Variants in PNKP observed in about 807,000 individuals in gnomAD.
The protein encoded by PNKP is polynucleotide kinase 3'-phosphatase.
In PNKP, 82 loss-of-function variants were observed where a neutral mutation model predicts 66.2. That is an observed-to-expected ratio of 1.24 (90% CI 1.04 to 1.49). The LOEUF is 1.49. Among genes scored for constraint, PNKP ranks in the 40% most tolerant of loss-of-function variants. The pLI, the probability that PNKP is intolerant of heterozygous loss-of-function variation, is 0.00. For missense variants in PNKP, 907 were observed against 706.8 expected, an observed-to-expected ratio of 1.28 and a Z score of -3.21; for synonymous variants, 412 against 298.9, an observed-to-expected ratio of 1.38 and a Z score of -3.90.
At chr19:49,864,578 G>C (rs887834666) in intron 4 of PNKP, among the ~76,000 whole-genome samples, 175 bp from the exon 5 acceptor site, 3 of 152,108 alleles carry the variant, frequency 2.0e-5, no homozygotes, top group African/African-American at 7.2e-5. Context: ...CTCTGAGTGG[G>C]GCCCGACATC....
chr19:49,867,380 G>T (rs2074829894), intron 1 of PNKP, 89 bp downstream of exon 1: 1 of 695,714 alleles, frequency 1.4e-6, no homozygotes, highest in Non-Finnish European at 2.4e-6. Flanking sequence ...GCGACGACGC[G>T]TGCTCCATCC....
intron 12 of PNKP, 33 bp downstream of exon 12, chr19:49,862,152 C>G: frequency 6.2e-7 from 1 of 1,613,710 alleles, no homozygotes; most frequent in Non-Finnish European, 8.5e-7. Flanking sequence ...CCAGGCGGGG[C>G]TCAGGGCACG....
At chr19:49,862,968 TCCCCACG>T (rs2074790013) in intron 8 of PNKP, 1 of 640,216 alleles carries the variant, frequency 1.6e-6, no homozygotes, top group South Asian at 1.7e-5. Context: ...CTCCTCCCGT[TCCCCACG>T]CGGCCACCGG....
chr19:49,861,895 A>C lies in PNKP; in HGVS notation c.1189-14T>G. On this transcript the variant is annotated splice_polypyrimidine_tract_variant and intron_variant, in intron 13 of 16. Transcript: ENST00000322344. ...GCCTAGCGTGTCCTGGGGACACGAG[A>C]GGTCACAAACAGATCGGCAGACCCA... 1 of 1,586,628 alleles carries C rather than the reference A, an allele frequency of 6.3e-7. No individual in the cohort carries two copies. Among genetic ancestry groups the C allele is most frequent in the Non-Finnish European group, 8.6e-7 (1 of 1,168,052 alleles).
intron 3 of PNKP, 145 bp downstream of exon 3, chr19:49,866,254 C>T (rs926623352): frequency 3.8e-6 from 3 of 793,478 alleles, no homozygotes; most frequent in Non-Finnish European, 6.8e-6. Flanking sequence ...CCCGCCTCGG[C>T]CTCCCAAAGT....
intron 11 of PNKP, 37 bp downstream of exon 11, chr19:49,862,334 T>TA: frequency 1.5e-6 from 2 of 1,343,602 alleles, no homozygotes; most frequent in Non-Finnish European, 1.0e-6. Context: ...CCGGGAGCCC[T>TA]CCCATCCCCA....
Position 49,867,071 on chromosome 19 carries a change from T to C in PNKP, c.134A>G (p.Lys45Arg). The C allele has an allele frequency of 6.2e-7, 1 of 1,613,914 alleles. No individual in the cohort carries two copies. The highest frequency in any genetic ancestry group is 8.5e-7 in the Non-Finnish European group (1 of 1,179,954). ...CCGCTCACCTTGAGTTCTGGAGCACTTCCGGTCCGTAACCTGGGTCAGGGG... is the reference window on the plus strand; with the variant it reads ...CCGCTCACCTTGAGTTCTGGAGCACCTCCGGTCCGTAACCTGGGTCAGGGG... Reference protein sequence around the residue: ...RGPLTQVTDRKCSRTQVELVA... With the variant: ...RGPLTQVTDRRCSRTQVELVA... Residue 45 changes from lysine to arginine, a missense_variant, in exon 2 of 17, where the codon AAG (lysine) becomes AGG (arginine). Transcript: ENST00000322344.
Position 49,861,919 on chromosome 19 carries a change from CAG to C in PNKP, c.1189-40_1189-39del, listed in dbSNP as rs776097247. ...GAGGTCACAAACAGATCGGCAGACC[CAG>C]GGGGAGAGAAGACCCCGAGCGGGGA... is the stretch of plus-strand genomic sequence containing the variant. On this transcript the variant is annotated intron_variant, in intron 13 of 16. Transcript: ENST00000322344. 8 of 1,583,180 alleles carry C rather than the reference CAG, an allele frequency of 5.1e-6. No homozygotes were observed. The African/African-American group carries it at 9.4e-5, about 19-fold the overall frequency.
At chr19:49,861,408 G>GCCCAGCCAGTGC in intron 16 of PNKP, 41 bp downstream of exon 16, 1 of 1,613,862 alleles carries the variant, frequency 6.2e-7, no homozygotes, top group Admixed American at 1.7e-5. Context: ...GGATCATGTG[G>GCCCAGCCAGTGC]CCCAGCCAGT....
chr19:49,863,128 G>A (rs935719164), intron 8 of PNKP, among the ~76,000 whole-genome samples: 1 of 152,186 alleles, frequency 6.6e-6, no homozygotes, highest in African/African-American at 2.4e-5. Context: ...GGGCCTCGCT[G>A]TCCCTAACTA....
intron 2 of PNKP, 193 bp from the exon 3 acceptor site, chr19:49,866,638 G>T: frequency 2.9e-6 from 2 of 690,704 alleles, no homozygotes; most frequent in South Asian, 3.1e-5. Context: ...TCCTTGCAAG[G>T]GACAGGGAGG....
chr19:49,861,929 GAA>G, intron 13 of PNKP, 48 bp from the exon 14 acceptor site: 1 of 1,578,816 alleles, frequency 6.3e-7, no homozygotes, highest in African/African-American at 1.3e-5. Flanking sequence ...CAGGGGGAGA[GAA>G]GACCCCGAGC....
chr19:49,864,191 G>C lies in PNKP; in HGVS notation c.624C>G (p.Ala208=). 6.2e-7 allele frequency: 1 copy of C among 1,614,148 alleles called. No homozygotes were observed. The highest frequency in any genetic ancestry group is 1.1e-5 in the South Asian group (1 of 91,078). ...EIPRKLRELE[A]EGYKLVIFTN... Reference sequence around the variant, plus strand: ...CGGCTGCACATACCTTGTAGCCCTCGGCTTCCAGCTCTCGGAGCTTACGGG... The same window carrying C: ...CGGCTGCACATACCTTGTAGCCCTCCGCTTCCAGCTCTCGGAGCTTACGGG... The change falls in exon 6 of 17, where the codon GCC becomes GCG. Residue 208 remains alanine, a synonymous_variant. Transcript: ENST00000322344.
intron 4 of PNKP, 27 bp downstream of exon 4, chr19:49,865,100 T>C (rs780134892): frequency 1.2e-6 from 2 of 1,604,228 alleles, no homozygotes; most frequent in Non-Finnish European, 1.7e-6. Flanking sequence ...CTGTGGCGGC[T>C]CCCTCAGCCC....
chr19:49,865,704 C>T (rs1248167179), intron 3 of PNKP, among the ~76,000 whole-genome samples: 2 of 149,030 alleles, frequency 1.3e-5, no homozygotes, highest in African/African-American at 5.0e-5. Context: ...ACCTGTGCCT[C>T]CTGGGTTCAA....
At chr19:49,865,491 T>G in intron 3 of PNKP, 65 bp from the exon 4 acceptor site, 1 of 1,212,808 alleles carries the variant, frequency 8.2e-7, no homozygotes, top group Non-Finnish European at 1.2e-6. Context: ...TCCAATCAAA[T>G]ACCCAGCGGA....
At position 49,867,158 on chromosome 19, in the gene PNKP, G is replaced by C; in HGVS notation, c.47C>G (p.Pro16Arg). The change falls in exon 2 of 17, where the codon CCT becomes CGT. Residue 16 changes from proline to arginine, a missense_variant. Pro to Arg is a moderately radical substitution (Grantham distance 103, BLOSUM62 -2). Transcript: ENST00000322344. Reference protein sequence around the residue: ...APGRLWLESPPGGAPPIFLPS... With the variant: ...APGRLWLESPRGGAPPIFLPS... ...CAGGAAGATGGGGGGCGCTCCCCCA[G>C]GGGGGCTCTCGAGCCACAAGCGGCC... is the stretch of plus-strand genomic sequence containing the variant. The C allele has an allele frequency of 1.2e-6, 2 of 1,611,520 alleles. No individual in the cohort carries two copies. Among genetic ancestry groups the C allele is most frequent in the Non-Finnish European group, 1.7e-6 (2 of 1,179,186 alleles).
Position 49,862,241 on chromosome 19 carries a change from G to T in PNKP, c.1070C>A (p.Ser357Tyr), listed in dbSNP as rs1359253510. ...CGGGCTGGCGCTCAGGAGGGCCCTG[G>T]ACTCGGGGAGGCAGAGAGGCCCTGA... ...SRSGPLCLPESRALLSASPEV... is the reference protein window; with the variant it reads ...SRSGPLCLPEYRALLSASPEV... The change falls in exon 12 of 17, where the codon TCC (serine) becomes TAC (tyrosine). Residue 357 changes from serine (S) to tyrosine (Y), a missense_variant. Transcript: ENST00000322344. 1.9e-6 allele frequency: 3 copies of T among 1,610,876 alleles called. No homozygotes were observed. The highest frequency in any genetic ancestry group is 2.5e-6 in the Non-Finnish European group (3 of 1,178,674).
intron 4 of PNKP, 84 bp downstream of exon 4, chr19:49,865,043 G>A: frequency 2.6e-6 from 3 of 1,133,900 alleles, no homozygotes; most frequent in South Asian, 2.6e-5. Flanking sequence ...AGTAAGTAGA[G>A]GCTAAAAAGT....
Sources: allele counts gnomAD v4.1 joint callset (sites outside exome capture counted in the v4.1 genomes callset), GRCh38; gene constraint gnomAD v4.1.1; transcripts MANE v1.5; gene names NCBI Gene and HGNC (gene_info 2026-07-23, HGNC 2026-07-21).